The following ATOH8 variants were observed in gnomAD, a reference collection of about 807,000 sequenced individuals.
ATOH8 encodes atonal bHLH transcription factor 8.
In ATOH8, 9 loss-of-function variants were observed where a neutral mutation model predicts 21.2. The observed-to-expected ratio is 0.42, with a 90% CI of 0.26 to 0.74. The LOEUF (loss-of-function observed/expected upper bound fraction) is 0.74. Ranked by LOEUF, ATOH8 falls within the 30% of genes least tolerant of loss-of-function variation. The pLI is 0.24. For synonymous variants in ATOH8, 253 were observed against 224.0 expected (o/e 1.13, Z -1.16); for missense variants, 524 against 470.9 (o/e 1.11, Z -1.04).
rs534719282 is a variant in ATOH8, at chr2:85,754,556, A to ACGCCGC, written c.381_386dup (p.Pro129_Pro130dup). ...AGGCGCAGTGGGGCCAGGACTCCCC[A>ACGCCGC]CGCCGCCGCCGCCGCCGCCTCCTGC... On this transcript the variant is annotated inframe_insertion, in exon 1 of 3. Coordinates refer to ENST00000306279, the MANE Select transcript of ATOH8 (RefSeq NM_032827.7). 2.9e-5 allele frequency: 41 copies of ACGCCGC among 1,438,182 alleles called. No homozygotes were observed. Among genetic ancestry groups the ACGCCGC allele is most frequent in the South Asian group, 1.2e-4 (8 of 68,964 alleles). The allele number at this position is 1,438,182 out of a possible 1,614,324, so 89.1% of individuals were successfully genotyped here. A position where few individuals can be genotyped will look rare whatever the true frequency, so the allele number is the denominator to read the frequency against.
At chr2:85,765,351 C>T (rs901307008) in intron 2 of ATOH8, among the ~76,000 whole-genome samples, 1 of 152,234 alleles carries the variant, frequency 6.6e-6, no homozygotes, top group African/African-American at 2.4e-5. Context: ...AGGTCCCCCA[C>T]GGACTCCAGA....
In ATOH8 at chr2:85,754,013, G is replaced by A; in HGVS notation, c.-177G>A. 4.6e-6 allele frequency: 3 copies of A among 649,332 alleles called. No individual in the cohort carries two copies. Among genetic ancestry groups the A allele is most frequent in the South Asian group, 2.5e-5 (1 of 39,958 alleles). The allele number at this position is 649,332 out of a possible 1,614,324, so 40.2% of individuals were successfully genotyped here. A position where few individuals can be genotyped will look rare whatever the true frequency, so the allele number is the denominator to read the frequency against. On this transcript the variant is annotated 5_prime_UTR_variant, in exon 1 of 3. Transcript: ENST00000306279. ...TTCAGATGACACTCTGAGCGCTCCG[G>A]GAACGGACAGCCCGGCGGCTTCCCG...
chr2:85,775,691 G>A, intron 2 of ATOH8, among the ~76,000 whole-genome samples: 1 of 152,184 alleles, frequency 6.6e-6, no homozygotes, highest in Non-Finnish European at 1.5e-5. Context: ...CTCCTCACCA[G>A]GGCAGTCAGT....
intron 1 of ATOH8, among the ~76,000 whole-genome samples, chr2:85,763,267 C>T (rs1486795597): frequency 6.6e-6 from 1 of 152,154 alleles, no homozygotes; most frequent in Non-Finnish European, 1.5e-5. Flanking sequence ...TTAAAGGCTC[C>T]ATCTTTCACC....
chr2:85,760,193 C>T (rs28488276), intron 1 of ATOH8, among the ~76,000 whole-genome samples: 2 of 152,052 alleles, frequency 1.3e-5, no homozygotes, highest in African/African-American at 2.4e-5. Flanking sequence ...TCTGTTCCTC[C>T]AAAGTTTAAA....
chr2:85,767,720 G>A (rs1680061263), intron 2 of ATOH8, among the ~76,000 whole-genome samples: 2 of 151,990 alleles, frequency 1.3e-5, no homozygotes, highest in South Asian at 4.2e-4. Flanking sequence ...TGGGAACCAG[G>A]AGTGGTTAGG....
intron 2 of ATOH8, among the ~76,000 whole-genome samples, chr2:85,783,179 C>T (rs1680540478): frequency 6.6e-6 from 1 of 152,218 alleles, no homozygotes; most frequent in South Asian, 2.1e-4. Context: ...AATCACCTTG[C>T]TCTGATTCAG....
At chr2:85,782,830 G>A (rs1208632966) in intron 2 of ATOH8, among the ~76,000 whole-genome samples, 1 of 152,114 alleles carries the variant, frequency 6.6e-6, no homozygotes, top group African/African-American at 2.4e-5. Flanking sequence ...CAAGTAGCTG[G>A]GATTACAAGC....
At chr2:85,762,408 ATC>A (rs1372420919) in intron 1 of ATOH8, among the ~76,000 whole-genome samples, 1 of 152,152 alleles carries the variant, frequency 6.6e-6, no homozygotes, top group Non-Finnish European at 1.5e-5. Flanking sequence ...AGAGGGAGAG[ATC>A]ATTCATTTGT....
rs144001724 is a variant in ATOH8 at position 85,763,447 on chromosome 2, G to A, written c.769-544G>A. Among the ~76,000 whole-genome samples, 795 of 152,276 alleles carry A rather than the reference G, an allele frequency of 5.2e-3. 6 individuals carry two copies. Among genetic ancestry groups the A allele is most frequent in the African/African-American group, 0.018 (745 of 41,534 alleles). ...TTTTTAAAAAATGAAAACCAGCCAT[G>A]TTTGTGTCTTTCCAGCTGAGCACTG... On this transcript the variant is annotated intron_variant, in intron 1 of 2. Coordinates refer to ENST00000306279, the MANE Select transcript of ATOH8 (RefSeq NM_032827.7).
At position 85,754,719 on chromosome 2, in the gene ATOH8, C is replaced by T; in HGVS notation, c.530C>T (p.Ser177Phe). The T allele has an allele frequency of 6.2e-7, 1 of 1,611,918 alleles. No homozygotes were observed. Among genetic ancestry groups the T allele is most frequent in the Non-Finnish European group, 8.5e-7 (1 of 1,179,472 alleles). ...APPAPPAPPE[S>F]TVRPAPPTRP... ...CCAGCACCGCCAGCGCCCCCGGAGT[C>T]CACTGTGCGCCCTGCGCCCCCGACG... Residue 177 changes from serine to phenylalanine, a missense_variant, in exon 1 of 3, where the codon TCC becomes TTC. Physicochemically the swap from Ser to Phe is radical, Grantham distance 155. Transcript: ENST00000306279.
chr2:85,756,628 A>G (rs1424637352), intron 1 of ATOH8, among the ~76,000 whole-genome samples: 1 of 152,178 alleles, frequency 6.6e-6, no homozygotes, highest in African/African-American at 2.4e-5. Context: ...TCATTCAACA[A>G]TCAATTCCAT....
rs1197166024 is a variant in ATOH8, at chr2:85,754,387, G to A, written c.198G>A (p.Arg66=). 1.3e-6 allele frequency: 2 copies of A among 1,585,142 alleles called. No individual in the cohort carries two copies. Among genetic ancestry groups the A allele is most frequent in the Non-Finnish European group, 1.7e-6 (2 of 1,168,518 alleles). ...ACGGGCTGCGGGACAGGACCCATCG[G>A]CTGCAGCCGGTCCCGGTACCGGTGC... The part of the protein sequence containing the change: ...ATNGLRDRTH[R]LQPVPVPVPV... The change falls in exon 1 of 3, where the codon CGG becomes CGA. Residue 66 remains arginine, a synonymous_variant. Transcript: ENST00000306279.
intron 2 of ATOH8, among the ~76,000 whole-genome samples, chr2:85,777,451 C>A (rs926464806): frequency 2.6e-5 from 4 of 152,162 alleles, no homozygotes; most frequent in Admixed American, 2.0e-4. Flanking sequence ...AGGCCAGAGG[C>A]TCAGAAGGAC....
In ATOH8 at chr2:85,785,596, C is replaced by G. The variant is rs989357722; in HGVS notation, c.961-1289C>G. 6.6e-6 allele frequency among the ~76,000 whole-genome samples: 1 copy of G among 152,170 alleles called. No individual in the cohort carries two copies. Among genetic ancestry groups the G allele is most frequent in the African/African-American group, 2.4e-5 (1 of 41,446 alleles). Reference sequence around the variant, plus strand: ...GGGCCTGTGGTTAGCAGGCCCTCCACGTCGTGGTTTGGCTCCATCCTGGCT... The same window carrying G: ...GGGCCTGTGGTTAGCAGGCCCTCCAGGTCGTGGTTTGGCTCCATCCTGGCT... On this transcript the variant is annotated intron_variant, in intron 2 of 2. Coordinates refer to ENST00000306279, the MANE Select transcript of ATOH8 (RefSeq NM_032827.7). This position sits in a 1 kb window ranked among gnomAD's most constrained non-coding sequence, Gnocchi z 4.1.
At chr2:85,768,872 G>T (rs1456162316) in intron 2 of ATOH8, among the ~76,000 whole-genome samples, 1 of 152,162 alleles carries the variant, frequency 6.6e-6, no homozygotes, top group Non-Finnish European at 1.5e-5. Flanking sequence ...CCCCAGTAGT[G>T]CAGAGGCCCA....
chr2:85,755,608 A>G (rs1051478387), intron 1 of ATOH8, among the ~76,000 whole-genome samples: 2 of 152,044 alleles, frequency 1.3e-5, no homozygotes, highest in African/African-American at 4.8e-5. Flanking sequence ...GGGACTGCCT[A>G]GGTTGGGGAT....
chr2:85,775,097 T>TTG, intron 2 of ATOH8: 1 of 939,196 alleles, frequency 1.1e-6, no homozygotes. Flanking sequence ...TGTCATTACA[T>TTG]TGTATTATAT....
chr2:85,764,635 G>A (rs1679958072), intron 2 of ATOH8, among the ~76,000 whole-genome samples: 1 of 152,176 alleles, frequency 6.6e-6, no homozygotes, highest in East Asian at 1.9e-4. Context: ...ATGCATTAAG[G>A]GCGGTGATGG....
Sources: gnomAD v4.1 joint callset for allele counts (sites outside exome capture counted in the v4.1 genomes callset) on GRCh38, gnomAD v4.1.1 for gene constraint, Gnocchi (gnomAD v3.1) non-coding constraint, MANE v1.5 for transcripts, NCBI Gene and HGNC (gene_info 2026-07-23, HGNC 2026-07-21) for gene names.